The following CYP4F11 variants were observed in gnomAD, a reference collection of about 807,000 sequenced individuals.
CYP4F11 encodes cytochrome P450 family 4 subfamily F member 11, also known as cytochrome P450 4F11.
A neutral mutation model predicts 62.2 loss-of-function variants in CYP4F11; 79 were observed. That is an observed-to-expected ratio of 1.27 (90% CI 1.06 to 1.53). The LOEUF (loss-of-function observed/expected upper bound fraction) is 1.53. Ranked by LOEUF, CYP4F11 falls within the 40% of genes most tolerant of loss-of-function variation. The probability of loss-of-function intolerance (pLI) is 0.00; values close to 1 mark genes in which losing one functional copy is unlikely to be tolerated. For missense variants in CYP4F11, 777 were observed against 680.5 expected (o/e 1.14, Z -1.58); for synonymous variants, 290 against 263.7 (o/e 1.10, Z -0.97).
Position 15,924,086 on chromosome 19 carries a change from C to A in CYP4F11, c.648-4G>T. On this transcript the variant is annotated splice_polypyrimidine_tract_variant and splice_region_variant and intron_variant, in intron 5 of 11. Transcript: ENST00000402119. Reference sequence around the variant, plus strand: ...GGCAATATATTCACTGGGCTTCCTGCATGAAGGAGGTAACAACTTAACATA... The same window carrying A: ...GGCAATATATTCACTGGGCTTCCTGAATGAAGGAGGTAACAACTTAACATA... 6.2e-7 allele frequency: 1 copy of A among 1,612,274 alleles called. No homozygotes were observed. The highest frequency in any genetic ancestry group is 8.5e-7 in the Non-Finnish European group (1 of 1,178,604).
At chr19:15,919,474 A>G (rs1364686267) in intron 8 of CYP4F11, among the ~76,000 whole-genome samples, 2 of 63,644 alleles carry the variant, frequency 3.1e-5, no homozygotes, top group South Asian at 1.3e-3. Flanking sequence ...ACAGATGTAT[A>G]GATAGATAGA....
chr19:15,927,128 G>A (rs1009829964), intron 4 of CYP4F11, 84 bp downstream of exon 4: 2 of 1,510,386 alleles, frequency 1.3e-6, no homozygotes, highest in Non-Finnish European at 1.8e-6. Context: ...TGTCCCCAAA[G>A]CACAACCAAA....
chr19:15,914,498 C>T, intron 10 of CYP4F11, 104 bp downstream of exon 10: 1 of 1,555,288 alleles, frequency 6.4e-7, no homozygotes, highest in Admixed American at 1.7e-5. Context: ...AGATGTGTCT[C>T]CATTGAGGAG....
chr19:15,922,603 T>C (rs886623134), intron 6 of CYP4F11, among the ~76,000 whole-genome samples, 173 bp from the exon 7 acceptor site: 5 of 152,132 alleles, frequency 3.3e-5, no homozygotes, highest in Admixed American at 1.3e-4. Context: ...CCCACAGGCT[T>C]CCCGCTGGCT....
intron 1 of CYP4F11, among the ~76,000 whole-genome samples, chr19:15,930,240 A>G (rs1244321655): frequency 6.6e-6 from 1 of 152,150 alleles, no homozygotes; most frequent in Non-Finnish European, 1.5e-5. Flanking sequence ...GATTCTGAAC[A>G]GCTGCAGAGA....
intron 6 of CYP4F11, among the ~76,000 whole-genome samples, chr19:15,923,352 A>G (rs1245862722): frequency 6.6e-6 from 1 of 151,004 alleles, no homozygotes; most frequent in Non-Finnish European, 1.5e-5. Flanking sequence ...TATAAGCCCC[A>G]AGATGTATAC....
chr19:15,924,195 C>T (rs1411789467), intron 5 of CYP4F11, 113 bp from the exon 6 acceptor site: 1 of 1,326,956 alleles, frequency 7.5e-7, no homozygotes, highest in East Asian at 2.3e-5. Flanking sequence ...AGCCAGGAGA[C>T]TTGACTCTCC....
At chr19:15,929,303 C>T (rs2089692819) in intron 2 of CYP4F11, among the ~76,000 whole-genome samples, 154 bp downstream of exon 2, 2 of 151,982 alleles carry the variant, frequency 1.3e-5, no homozygotes, top group Non-Finnish European at 1.5e-5. Flanking sequence ...ATGGGGGGTT[C>T]GTGAATACAT....
At position 15,924,063 on chromosome 19, in the gene CYP4F11, C is replaced by T. The variant is rs1482315933; in HGVS notation, c.667G>A (p.Ala223Thr). 1 of 1,613,862 alleles carries T rather than the reference C, an allele frequency of 6.2e-7. No homozygotes were observed. Among genetic ancestry groups the T allele is most frequent in the Non-Finnish European group, 8.5e-7 (1 of 1,179,786 alleles). Residue 223 changes from alanine (A) to threonine (T), a missense_variant, in exon 6 of 12, where the codon GCC becomes ACC. By Grantham distance (58) the Ala-to-Thr change is moderately conservative. Coordinates refer to ENST00000402119, the MANE Select transcript of CYP4F11 (RefSeq NM_021187.4). ...NCQEKPSEYIAAILELSAFVE... is the reference protein window; with the variant it reads ...NCQEKPSEYITAILELSAFVE... ...AAGGCACTGAGCTCCAAGATGGCGG[C>T]AATATATTCACTGGGCTTCCTGCAT... is the stretch of plus-strand genomic sequence containing the variant.
chr19:15,934,312 G>C lies in CYP4F11; in HGVS notation c.97C>G (p.Arg33Gly). ...LLVGGSWLLA[R>G]VLAWTYTFYD... ...AAGGTGTAGGTCCAGGCCAGGACGC[G>C]GGCCAGGAGCCAGGAGCCTCCAACC... is the stretch of plus-strand genomic sequence containing the variant. Residue 33 changes from arginine (R) to glycine (G), a missense_variant, in exon 1 of 12, where the codon CGC becomes GGC. By Grantham distance (125) the Arg-to-Gly change is moderately radical. Coordinates refer to ENST00000402119, the MANE Select transcript of CYP4F11 (RefSeq NM_021187.4). The C allele has an allele frequency of 6.2e-7, 1 of 1,612,872 alleles. No homozygotes were observed. The highest frequency in any genetic ancestry group is 8.5e-7 in the Non-Finnish European group (1 of 1,179,502).
At chr19:15,921,970 C>T in intron 8 of CYP4F11, 67 bp downstream of exon 8, 2 of 1,473,456 alleles carry the variant, frequency 1.4e-6, no homozygotes, top group South Asian at 1.6e-5. Context: ...AAAACTCCCT[C>T]CCTCTGCCCA....
Position 15,922,088 on chromosome 19 carries a change from C to T in CYP4F11, c.1064G>A (p.Arg355Gln), listed in dbSNP as rs374693440. The T allele has an allele frequency of 7.9e-5, 127 of 1,613,844 alleles. 1 individual carries two copies. Among genetic ancestry groups the T allele is most frequent in the South Asian group, 4.0e-4 (36 of 91,066 alleles). The change falls in exon 8 of 12, where the codon CGG becomes CAG. Residue 355 changes from arginine (R) to glutamine (Q), a missense_variant. Transcript: ENST00000402119. ...AKHPEYQEQCRQEVQELLKDR... is the reference protein window; with the variant it reads ...AKHPEYQEQCQQEVQELLKDR... ...CTTCAGAAGCTCTTGCACTTCTTGC[C>T]GGCACTGTTCCTGGTATTCTGGGTG...
rs139256526 is a variant in CYP4F11 at position 15,913,839 on chromosome 19, G to A, written c.1468C>T (p.Arg490Cys). 154 of 1,614,144 alleles carry A rather than the reference G, an allele frequency of 9.5e-5. No homozygotes were observed. In the African/African-American group the frequency reaches 1.7e-3, roughly 18 times the overall value. Reference sequence around the variant, plus strand: ...GGTTCAGTGTGGGTCGGCAGGATGCGGAAGTGCAGCAGGGTGAGCGCCAGG... The same window carrying A: ...GGTTCAGTGTGGGTCGGCAGGATGCAGAAGTGCAGCAGGGTGAGCGCCAGG... ...VVLALTLLHFRILPTHTEPRR... is the reference protein window; with the variant it reads ...VVLALTLLHFCILPTHTEPRR... The change falls in exon 12 of 12, where the codon CGC becomes TGC. Residue 490 changes from arginine (R) to cysteine (C), a missense_variant. Arg to Cys is a radical substitution (Grantham distance 180). Coordinates refer to ENST00000402119, the MANE Select transcript of CYP4F11 (RefSeq NM_021187.4).
intron 8 of CYP4F11, among the ~76,000 whole-genome samples, chr19:15,917,480 G>T (rs1027092845): frequency 1.3e-5 from 2 of 152,088 alleles, no homozygotes; most frequent in African/African-American, 4.8e-5. Context: ...TGGCAAAGCT[G>T]CAAGAACAGA....
intron 1 of CYP4F11, among the ~76,000 whole-genome samples, chr19:15,931,652 A>G (rs867087132): frequency 1.8e-3 from 103 of 57,566 alleles, no homozygotes; most frequent in Non-Finnish European, 2.4e-3. Flanking sequence ...GAGGAGAGGA[A>G]TGAGTGAGCG....
At chr19:15,915,673 G>T in intron 8 of CYP4F11, among the ~76,000 whole-genome samples, 1 of 151,620 alleles carries the variant, frequency 6.6e-6, no homozygotes, top group Non-Finnish European at 1.5e-5. Flanking sequence ...TCATTTAACA[G>T]TATGTCAGTC....
chr19:15,913,713 G>T lies in CYP4F11; in HGVS notation c.*19C>A. 1 of 1,610,320 alleles carries T rather than the reference G, an allele frequency of 6.2e-7. No homozygotes were observed. Among genetic ancestry groups the T allele is most frequent in the Non-Finnish European group, 8.5e-7 (1 of 1,176,924 alleles). ...TTTGTTTCTGGGACTCTACAGAGGTGGGTGGGTGGGTAGGACAGTCACTGT... is the reference window on the plus strand; with the variant it reads ...TTTGTTTCTGGGACTCTACAGAGGTTGGTGGGTGGGTAGGACAGTCACTGT... On this transcript the variant is annotated 3_prime_UTR_variant, in exon 12 of 12. Coordinates refer to ENST00000402119, the MANE Select transcript of CYP4F11 (RefSeq NM_021187.4).
intron 8 of CYP4F11, among the ~76,000 whole-genome samples, chr19:15,918,874 T>C (rs1259368937): frequency 1.3e-5 from 2 of 149,474 alleles, no homozygotes; most frequent in African/African-American, 2.5e-5. Context: ...ACTGGAAAGA[T>C]ACACAAGTGC....
rs61175303 is a variant in CYP4F11 at position 15,912,508 on chromosome 19, C to G, written c.*1224G>C. 22,819 of 151,202 alleles carry G rather than the reference C, an allele frequency of 0.15. 1,908 individuals carry two copies. The highest frequency in any genetic ancestry group is 0.28 in the South Asian group (1,319 of 4,744). 9.4% of individuals were successfully genotyped at this position (151,202 alleles called of 1,614,324 possible). ...TGTAGCAAGGGAAGGAGATCAGCTACAGAAGAGATTAGAGAAGTCAACAGG... is the reference window on the plus strand; with the variant it reads ...TGTAGCAAGGGAAGGAGATCAGCTAGAGAAGAGATTAGAGAAGTCAACAGG... On this transcript the variant is annotated 3_prime_UTR_variant, in exon 12 of 12. Coordinates refer to ENST00000402119, the MANE Select transcript of CYP4F11 (RefSeq NM_021187.4).
Sources: allele counts gnomAD v4.1 joint callset (sites outside exome capture counted in the v4.1 genomes callset), GRCh38; gene constraint gnomAD v4.1.1; transcripts MANE v1.5; gene names NCBI Gene and HGNC (gene_info 2026-07-23, HGNC 2026-07-21).